Variants in MDGA2 observed in about 807,000 individuals in gnomAD.
The protein encoded by MDGA2 is MAM domain containing glycosylphosphatidylinositol anchor 2, also known as MAM domain-containing glycosylphosphatidylinositol anchor protein 2.
In MDGA2, 40 loss-of-function variants were observed where a neutral mutation model predicts 117.8. The observed-to-expected ratio is 0.34, with a 90% CI of 0.26 to 0.44. The LOEUF (loss-of-function observed/expected upper bound fraction) is 0.44, where lower values mean the gene tolerates loss of function less well. Among genes scored for constraint, MDGA2 ranks in the 20% least tolerant of loss-of-function variants. The pLI, the probability that MDGA2 is intolerant of heterozygous loss-of-function variation, is 1.00. For missense variants in MDGA2, 1,123 were observed against 1,250.6 expected (o/e 0.90, Z 1.54); for synonymous variants, 452 against 439.0 (o/e 1.03, Z -0.37).
rs138371142 is a variant in MDGA2, at chr14:47,300,762, G to T, written c.420+649C>A. 9.8e-4 allele frequency among the ~76,000 whole-genome samples: 149 copies of T among 151,814 alleles called. 1 individual carries two copies. In the East Asian group the frequency reaches 0.024, roughly 25 times the overall value. ...GATCCCCTTGCCTCAGCCTCACAAA[G>T]TGCTGAGGTTGTAAGCGTGAGCCAC... On this transcript the variant is annotated intron_variant, in intron 2 of 16. Transcript: ENST00000399232.
intron 1 of MDGA2, among the ~76,000 whole-genome samples, chr14:47,480,954 T>A (rs1893941855): frequency 6.6e-6 from 1 of 151,934 alleles, no homozygotes; most frequent in Admixed American, 6.6e-5. Flanking sequence ...ATAATGGTAA[T>A]CTTCATCTTG....
intron 1 of MDGA2, among the ~76,000 whole-genome samples, chr14:47,314,491 A>G (rs1274681365): frequency 6.6e-6 from 1 of 152,126 alleles, no homozygotes; most frequent in African/African-American, 2.4e-5. Context: ...AACCCTGCAC[A>G]ATATAGCAGG....
intron 2 of MDGA2, among the ~76,000 whole-genome samples, chr14:47,300,356 T>G (rs1381068026): frequency 6.6e-6 from 1 of 152,238 alleles, no homozygotes; most frequent in Non-Finnish European, 1.5e-5. Flanking sequence ...CAATAAGAAT[T>G]ATCAATTATT....
chr14:46,889,006 A>G (rs1882773359), intron 10 of MDGA2, among the ~76,000 whole-genome samples: 1 of 152,028 alleles, frequency 6.6e-6, no homozygotes. Context: ...TATCCAACAG[A>G]ATAAGAAATC....
intron 8 of MDGA2, among the ~76,000 whole-genome samples, chr14:46,977,249 A>G (rs1344837087): frequency 6.6e-6 from 1 of 151,754 alleles, no homozygotes; most frequent in Non-Finnish European, 1.5e-5. Context: ...TTTTTAAAAC[A>G]CTTTCACTAG....
intron 7 of MDGA2, among the ~76,000 whole-genome samples, chr14:47,037,774 C>T (rs1211995763): frequency 6.6e-6 from 1 of 152,000 alleles, no homozygotes; most frequent in Non-Finnish European, 1.5e-5. Context: ...AAATAAATAT[C>T]CAAATTTAGA....
rs116318869 is a variant in MDGA2, at chr14:47,184,949, C to T, written c.595+33072G>A. ...ATTAAAAGAATAAATAAAACGAAAA[C>T]AAATAAATGGAATGAAAGAAAGAAA... On this transcript the variant is annotated intron_variant, in intron 3 of 16. Transcript: ENST00000399232. Among the ~76,000 whole-genome samples, 787 of 150,540 alleles carry T rather than the reference C, an allele frequency of 5.2e-3. 10 individuals are homozygous for T. The highest frequency in any genetic ancestry group is 0.018 in the African/African-American group (750 of 41,232).
At chr14:47,150,843 G>C (rs1000641279) in intron 3 of MDGA2, among the ~76,000 whole-genome samples, 3 of 150,352 alleles carry the variant, frequency 2.0e-5, no homozygotes, top group African/African-American at 7.4e-5. Flanking sequence ...AGAATCGCTT[G>C]AACCCGGGAG....
intron 1 of MDGA2, among the ~76,000 whole-genome samples, chr14:47,343,404 T>C (rs1379110095): frequency 6.6e-6 from 1 of 152,106 alleles, no homozygotes; most frequent in African/African-American, 2.4e-5. Flanking sequence ...AACATAAATA[T>C]ATGTTTGTGT....
At chr14:46,963,567 C>T (rs181879313) in intron 8 of MDGA2, among the ~76,000 whole-genome samples, 3 of 152,260 alleles carry the variant, frequency 2.0e-5, no homozygotes, top group East Asian at 3.9e-4. Context: ...GACTTTAGAC[C>T]TCTAATTTGT....
chr14:47,207,046 G>A (rs1429552155), intron 3 of MDGA2, among the ~76,000 whole-genome samples: 1 of 152,040 alleles, frequency 6.6e-6, no homozygotes, highest in African/African-American at 2.4e-5. Flanking sequence ...CAGTGCCCTT[G>A]AGTAATTAAG....
At chr14:47,624,927 A>G (rs1454090227) in intron 1 of MDGA2, among the ~76,000 whole-genome samples, 1 of 152,228 alleles carries the variant, frequency 6.6e-6, no homozygotes, top group Non-Finnish European at 1.5e-5. Context: ...TATTTCTATT[A>G]GTATCATAAT....
At chr14:47,540,409 C>T (rs1265570106) in intron 1 of MDGA2, among the ~76,000 whole-genome samples, 2 of 151,736 alleles carry the variant, frequency 1.3e-5, no homozygotes, top group African/African-American at 2.4e-5. Context: ...ACTTCCTGTC[C>T]CCTTTCCTGC....
intron 7 of MDGA2, among the ~76,000 whole-genome samples, chr14:47,050,354 G>A: frequency 6.6e-6 from 1 of 152,028 alleles, no homozygotes; most frequent in Admixed American, 6.6e-5. Flanking sequence ...ACCTAGCAAT[G>A]AGAATGTAAG....
At chr14:47,586,137 A>T (rs1896320967) in intron 1 of MDGA2, among the ~76,000 whole-genome samples, 1 of 151,906 alleles carries the variant, frequency 6.6e-6, no homozygotes, top group African/African-American at 2.4e-5. Context: ...ACTTGGTCTT[A>T]GTTAAATTAA....
chr14:47,150,916 T>G (rs1418470086), intron 3 of MDGA2, among the ~76,000 whole-genome samples: 2 of 126,100 alleles, frequency 1.6e-5, no homozygotes, highest in Non-Finnish European at 3.2e-5. Context: ...AGAGCAAGAC[T>G]CTGTCTCAAA....
rs1000673324 is a variant in MDGA2 at position 47,653,782 on chromosome 14, G to A, written c.280+20735C>T. 2.0e-5 allele frequency among the ~76,000 whole-genome samples: 3 copies of A among 152,122 alleles called. No homozygotes were observed. The South Asian group carries it at 6.2e-4, about 32-fold the overall frequency. On this transcript the variant is annotated intron_variant, in intron 1 of 16. Coordinates refer to ENST00000399232, the MANE Select transcript of MDGA2 (RefSeq NM_001113498.3). ...AAAGAGGAGAGTCAGAGGGAGACAG[G>A]ACTATGGAAGAAAGGCACAGAGAGA...
At chr14:47,395,176 A>T (rs1891981048) in intron 1 of MDGA2, among the ~76,000 whole-genome samples, 1 of 150,568 alleles carries the variant, frequency 6.6e-6, no homozygotes, top group Non-Finnish European at 1.5e-5. Flanking sequence ...AAACAAAAAA[A>T]CTATTTCTGA....
intron 8 of MDGA2, among the ~76,000 whole-genome samples, chr14:47,033,115 T>C (rs574704337): frequency 1.3e-5 from 2 of 152,352 alleles, no homozygotes; most frequent in South Asian, 2.1e-4. Context: ...CCACTGTTTA[T>C]TGTCATTCCT....
Sources: allele counts gnomAD v4.1 joint callset (sites outside exome capture counted in the v4.1 genomes callset), GRCh38; gene constraint gnomAD v4.1.1; transcripts MANE v1.5; gene names NCBI Gene and HGNC (gene_info 2026-07-23, HGNC 2026-07-21).